BANK1: variants seen among roughly 807,000 people sequenced by gnomAD.
BANK1 encodes the protein B-cell scaffold protein with ankyrin repeats.
In BANK1, 95 loss-of-function variants were observed where a neutral mutation model predicts 94.5. That is an observed-to-expected ratio of 1.00 (90% CI 0.85 to 1.19). BANK1 has a LOEUF of 1.19. Ranked by LOEUF, BANK1 falls within the 50% of genes most tolerant of loss-of-function variation. BANK1 has a pLI of 0.00. For missense variants in BANK1, 987 were observed against 932.2 expected, an observed-to-expected ratio of 1.06 and a Z score of -0.77; for synonymous variants, 334 against 308.4, an observed-to-expected ratio of 1.08 and a Z score of -0.87.
chr4:102,030,940 T>C (rs1195561060), intron 10 of BANK1, among the ~76,000 whole-genome samples: 8 of 152,310 alleles, frequency 5.3e-5, no homozygotes, highest in African/African-American at 1.9e-4. Context: ...TTTATAATAC[T>C]TTGGGTATAT....
intron 11 of BANK1, among the ~76,000 whole-genome samples, chr4:102,058,179 G>C (rs981194112): frequency 1.3e-5 from 2 of 151,950 alleles, no homozygotes; most frequent in Non-Finnish European, 2.9e-5. Context: ...CAGTCTCCTA[G>C]TAAATAATTT....
At chr4:102,030,414 AT>A (rs372171388) in intron 10 of BANK1, 149 bp downstream of exon 10, 62 of 698,056 alleles carry the variant, frequency 8.9e-5, no homozygotes, top group South Asian at 2.1e-4. Context: ...ATACTGGCTC[AT>A]TTTTTTTCCA....
chr4:101,939,780 A>G (rs1723682316), intron 7 of BANK1, among the ~76,000 whole-genome samples: 1 of 151,718 alleles, frequency 6.6e-6, no homozygotes, highest in South Asian at 2.1e-4. Context: ...TTAAACTTCA[A>G]AGTTGACATG....
intron 7 of BANK1, among the ~76,000 whole-genome samples, chr4:101,958,973 T>A (rs2148918086): frequency 6.6e-6 from 1 of 152,248 alleles, no homozygotes. Flanking sequence ...TGTAAAAAAC[T>A]TGCGGATGGT....
chr4:101,921,104 GAATA>G (rs1418506145), intron 7 of BANK1, among the ~76,000 whole-genome samples: 7 of 151,862 alleles, frequency 4.6e-5, no homozygotes, highest in African/African-American at 1.7e-4. Flanking sequence ...CATTATGAAT[GAATA>G]GCTTTCATGT....
intron 10 of BANK1, chr4:102,032,275 G>T (rs114948318): frequency 6.6e-6 from 1 of 152,092 alleles, no homozygotes; most frequent in Non-Finnish European, 1.5e-5. Flanking sequence ...TGTTGTGTTC[G>T]TCTACCGTTT....
intron 7 of BANK1, among the ~76,000 whole-genome samples, chr4:101,932,597 C>T (rs1357620958): frequency 1.3e-5 from 2 of 151,498 alleles, no homozygotes; most frequent in East Asian, 1.9e-4. Flanking sequence ...AAAAGGAAAA[C>T]TGAAGATAAA....
intron 5 of BANK1, among the ~76,000 whole-genome samples, chr4:101,882,532 A>C (rs2148886052): frequency 6.6e-6 from 1 of 152,328 alleles, no homozygotes; most frequent in Middle Eastern, 3.4e-3. Flanking sequence ...CCACTCTTTC[A>C]AAAGACTGCA....
chr4:101,924,686 G>T (rs1331683844), intron 7 of BANK1, among the ~76,000 whole-genome samples: 1 of 151,736 alleles, frequency 6.6e-6, no homozygotes, highest in Non-Finnish European at 1.5e-5. Flanking sequence ...CACATAAACA[G>T]ATTATTGCAT....
chr4:101,820,492 T>A (rs984926811), intron 1 of BANK1, among the ~76,000 whole-genome samples: 3 of 152,056 alleles, frequency 2.0e-5, no homozygotes, highest in Non-Finnish European at 2.9e-5. Context: ...TTTATTTTAG[T>A]TTAGGGCCTA....
chr4:101,840,061 CG>C (rs1726984804), intron 2 of BANK1, among the ~76,000 whole-genome samples: 1 of 134,620 alleles, frequency 7.4e-6, no homozygotes, highest in African/African-American at 2.7e-5. Flanking sequence ...CTCCGCCTCC[CG>C]GGTTCACGCC....
chr4:101,908,169 C>T (rs1392616267), intron 6 of BANK1, among the ~76,000 whole-genome samples: 1 of 152,186 alleles, frequency 6.6e-6, no homozygotes, highest in Admixed American at 6.5e-5. Context: ...TACAAGGCTA[C>T]AGTAACCAAA....
intron 11 of BANK1, among the ~76,000 whole-genome samples, chr4:102,046,182 A>G (rs1727872262): frequency 2.0e-5 from 3 of 151,908 alleles, no homozygotes; most frequent in Admixed American, 2.0e-4. Context: ...GAGAAAAACA[A>G]GCAATGGGGA....
chr4:101,820,878 G>A (rs557602766), intron 1 of BANK1, among the ~76,000 whole-genome samples: 1 of 152,226 alleles, frequency 6.6e-6, no homozygotes, highest in African/African-American at 2.4e-5. Context: ...TGTCATTGAT[G>A]GGCTCTTAGG....
intron 1 of BANK1, 124 bp from the exon 2 acceptor site, chr4:101,829,684 G>T: frequency 2.0e-6 from 1 of 489,678 alleles, no homozygotes; most frequent in South Asian, 5.9e-5. Context: ...GACTTTCATA[G>T]AGTTTTTCTC....
chr4:102,064,688 A>G (rs1728531444), intron 13 of BANK1, among the ~76,000 whole-genome samples: 1 of 152,214 alleles, frequency 6.6e-6, no homozygotes, highest in Non-Finnish European at 1.5e-5. Context: ...ACAGGACACT[A>G]TTACCAGGCA....
chr4:101,960,897 G>T (rs1724544685), intron 7 of BANK1, among the ~76,000 whole-genome samples: 1 of 152,026 alleles, frequency 6.6e-6, no homozygotes. Context: ...TCACCTCTCA[G>T]GTTCTCAATT....
intron 11 of BANK1, among the ~76,000 whole-genome samples, chr4:102,045,642 C>A (rs1353436780): frequency 6.6e-6 from 1 of 152,000 alleles, no homozygotes; most frequent in Admixed American, 6.6e-5. Context: ...TTCTTATACA[C>A]CAACATCAGA....
chr4:101,933,328 A>AC (rs397763802), intron 7 of BANK1, among the ~76,000 whole-genome samples: 19 of 150,840 alleles, frequency 1.3e-4, no homozygotes, highest in Admixed American at 2.6e-4. Context: ...AAAAAAAAAA[A>AC]GCTAAGCATG....
Sources: allele counts gnomAD v4.1 joint callset (sites outside exome capture counted in the v4.1 genomes callset), GRCh38; gene constraint gnomAD v4.1.1; transcripts MANE v1.5; gene names NCBI Gene and HGNC (gene_info 2026-07-23, HGNC 2026-07-21).